Variants in FAM168A observed in about 807,000 individuals in gnomAD.
FAM168A encodes family with sequence similarity 168 member A, also known as protein FAM168A.
FAM168A carries 3 observed loss-of-function variants against 28.5 expected under a neutral mutation model. That is an observed-to-expected ratio of 0.11 (90% CI 0.05 to 0.27). FAM168A has a LOEUF of 0.27. Among genes scored for constraint, FAM168A ranks in the 10% least tolerant of loss-of-function variants. The pLI is 1.00. For synonymous variants in FAM168A, 122 were observed against 124.2 expected, an observed-to-expected ratio of 0.98 and a Z score of 0.12; for missense variants, 222 against 311.5, an observed-to-expected ratio of 0.71 and a Z score of 2.16.
chr11:73,555,932 T>C (rs1450936622), intron 1 of FAM168A, among the ~76,000 whole-genome samples: 1 of 152,112 alleles, frequency 6.6e-6, no homozygotes, highest in Non-Finnish European at 1.5e-5. Flanking sequence ...ATAAAGAAGC[T>C]GCTCTATAAA....
At chr11:73,418,362 C>G (rs903419702) in intron 4 of FAM168A, among the ~76,000 whole-genome samples, 2 of 152,212 alleles carry the variant, frequency 1.3e-5, no homozygotes, top group Non-Finnish European at 2.9e-5. Flanking sequence ...CTTGCTCCCT[C>G]TCTCACCATG....
chr11:73,549,140 C>A (rs1474447645), intron 1 of FAM168A, among the ~76,000 whole-genome samples: 1 of 152,152 alleles, frequency 6.6e-6, no homozygotes, highest in African/African-American at 2.4e-5. Context: ...TGGGGTTTCA[C>A]CATGTTGGCC....
At chr11:73,543,817 T>C (rs1239956454) in intron 1 of FAM168A, among the ~76,000 whole-genome samples, 1 of 152,110 alleles carries the variant, frequency 6.6e-6, no homozygotes, top group Non-Finnish European at 1.5e-5. Context: ...TAAAGAAGGA[T>C]ATCACCAAGC....
chr11:73,417,425 G>A (rs994701130), intron 4 of FAM168A, among the ~76,000 whole-genome samples: 3 of 152,052 alleles, frequency 2.0e-5, no homozygotes, highest in South Asian at 2.1e-4. Context: ...GCCTATATGC[G>A]TCTATATCCA....
At chr11:73,528,101 C>T (rs1158359797) in intron 1 of FAM168A, among the ~76,000 whole-genome samples, 1 of 152,140 alleles carries the variant, frequency 6.6e-6, no homozygotes, top group Non-Finnish European at 1.5e-5. Flanking sequence ...ATTTGATTAG[C>T]AAATCCTGAC....
At chr11:73,458,631 G>C (rs1369564335) in intron 2 of FAM168A, among the ~76,000 whole-genome samples, 2 of 151,830 alleles carry the variant, frequency 1.3e-5, no homozygotes, top group African/African-American at 4.8e-5. Context: ...TTTTTGATAT[G>C]GAGTCTCGTT....
chr11:73,483,073 G>T (rs1315395821), intron 1 of FAM168A, among the ~76,000 whole-genome samples: 1 of 152,110 alleles, frequency 6.6e-6, no homozygotes, highest in Admixed American at 6.5e-5. Flanking sequence ...GTGAGGCCTT[G>T]GATAACTTAA....
intron 2 of FAM168A, among the ~76,000 whole-genome samples, chr11:73,452,719 A>C (rs546446100): frequency 1.5e-4 from 23 of 152,096 alleles, no homozygotes; most frequent in Non-Finnish European, 2.8e-4. Flanking sequence ...ATTGGAGGTC[A>C]GTATCCAAAG....
In FAM168A at chr11:73,535,391, G is replaced by A. The variant is rs181390608; in HGVS notation, c.-19+62532C>T. On this transcript the variant is annotated intron_variant, in intron 1 of 7. Coordinates refer to ENST00000356467, the MANE Select transcript of FAM168A (RefSeq NM_015159.3). ...TGTAGCTAGGACTACAGGTGCTCAC[G>A]ACCACATCCAGCTATTTTCTTTCTT... is the stretch of plus-strand genomic sequence containing the variant. Among the ~76,000 whole-genome samples the A allele has an allele frequency of 2.1e-4, 31 of 149,110 alleles. 1 individual carries two copies. The highest frequency in any genetic ancestry group is 1.9e-3 in the Admixed American group (29 of 14,994).
At chr11:73,437,655 C>T (rs1420823897) in intron 2 of FAM168A, among the ~76,000 whole-genome samples, 2 of 151,926 alleles carry the variant, frequency 1.3e-5, no homozygotes, top group Non-Finnish European at 2.9e-5. Flanking sequence ...AGAATCTTAC[C>T]CTGAACATTT....
intron 1 of FAM168A, among the ~76,000 whole-genome samples, chr11:73,566,173 T>C (rs1401440672): frequency 1.3e-5 from 2 of 152,228 alleles, no homozygotes; most frequent in Non-Finnish European, 2.9e-5. Flanking sequence ...TCAGAAATGG[T>C]AATAGCCAAG....
intron 1 of FAM168A, among the ~76,000 whole-genome samples, chr11:73,505,048 G>A (rs142182128): frequency 2.6e-5 from 4 of 151,894 alleles, no homozygotes; most frequent in Non-Finnish European, 5.9e-5. Context: ...CGGGTCACTA[G>A]GTACAGCAAA....
chr11:73,541,324 C>T (rs575619014), intron 1 of FAM168A, among the ~76,000 whole-genome samples: 19 of 151,802 alleles, frequency 1.3e-4, no homozygotes, highest in Admixed American at 6.6e-4. Context: ...CTGCATTCAA[C>T]TTTCTCACTG....
intron 1 of FAM168A, among the ~76,000 whole-genome samples, chr11:73,490,268 T>C (rs1297669505): frequency 2.0e-5 from 3 of 152,174 alleles, no homozygotes; most frequent in Admixed American, 6.5e-5. Context: ...TCTAAATCAC[T>C]ATCATCTCTC....
intron 2 of FAM168A, among the ~76,000 whole-genome samples, chr11:73,447,056 T>C (rs1867330182): frequency 6.6e-6 from 1 of 152,232 alleles, no homozygotes; most frequent in Non-Finnish European, 1.5e-5. Context: ...ACAGCTGTTC[T>C]AACATTTGAT....
In FAM168A at chr11:73,470,190, G is replaced by A. The variant is rs529402729; in HGVS notation, c.-18-1698C>T. ...CTCCCAAAGTGCTGGGATTACAGTC[G>A]TGAGCCACCGCGCCTGGCCGATCAT... On this transcript the variant is annotated intron_variant, in intron 1 of 7. Coordinates refer to ENST00000356467, the MANE Select transcript of FAM168A (RefSeq NM_015159.3). Among the ~76,000 whole-genome samples the A allele has an allele frequency of 8.5e-5, 13 of 152,270 alleles. No individual in the cohort carries two copies. In the South Asian group the frequency reaches 2.1e-3, roughly 24 times the overall value.
In FAM168A at chr11:73,426,299, A is replaced by G. The variant is rs375013408; in HGVS notation, c.151+4391T>C. Among the ~76,000 whole-genome samples, 5 of 152,302 alleles carry G rather than the reference A, an allele frequency of 3.3e-5. 1 individual carries two copies. The highest frequency in any genetic ancestry group is 2.6e-4 in the Admixed American group (4 of 15,296). Reference sequence around the variant, plus strand: ...AAGAGTTCTTAAATAAGATCCCTGAAATCATTAAGAGCTTGGGAAAAAGCT... The same window carrying G: ...AAGAGTTCTTAAATAAGATCCCTGAGATCATTAAGAGCTTGGGAAAAAGCT... On this transcript the variant is annotated intron_variant, in intron 3 of 7. Coordinates refer to ENST00000356467, the MANE Select transcript of FAM168A (RefSeq NM_015159.3).
At chr11:73,408,455 C>T (rs1473106537) in intron 6 of FAM168A, among the ~76,000 whole-genome samples, 1 of 152,136 alleles carries the variant, frequency 6.6e-6, no homozygotes, top group Non-Finnish European at 1.5e-5. Flanking sequence ...ACTTTCTTAC[C>T]TCAGATGGTA....
chr11:73,488,018 G>A (rs3103926), intron 1 of FAM168A, among the ~76,000 whole-genome samples: 58,085 of 151,948 alleles, frequency 0.38, 12,693 homozygotes, highest in African/African-American at 0.6. Context: ...TTCAGTCACC[G>A]TCTACTCTCT....
Sources: allele counts gnomAD v4.1 joint callset (sites outside exome capture counted in the v4.1 genomes callset), GRCh38; gene constraint gnomAD v4.1.1; transcripts MANE v1.5; gene names NCBI Gene and HGNC (gene_info 2026-07-23, HGNC 2026-07-21).